Variants in KANSL1 observed in about 807,000 individuals in gnomAD.
KANSL1 encodes the protein MLL1/MLL complex subunit KANSL1.
KANSL1 carries 22 observed loss-of-function variants against 103.6 expected under a neutral mutation model. The ratio of observed to expected loss-of-function variants is 0.21; its 90% CI spans 0.15 to 0.30. The LOEUF (loss-of-function observed/expected upper bound fraction) is 0.30, where lower values mean the gene tolerates loss of function less well. KANSL1 is among the 10% of genes least tolerant of loss of function. KANSL1 has a pLI of 1.00. For synonymous variants in KANSL1, 600 were observed against 527.6 expected, an observed-to-expected ratio of 1.14 and a Z score of -1.88; for missense variants, 1,337 against 1,399.8, an observed-to-expected ratio of 0.96 and a Z score of 0.72.
intron 2 of KANSL1, among the ~76,000 whole-genome samples, chr17:46,168,434 G>A (rs970993949): frequency 7.3e-5 from 11 of 151,622 alleles, no homozygotes; most frequent in African/African-American, 2.7e-4. Flanking sequence ...CGCAACCTCC[G>A]CCTCTCACGT....
At chr17:46,104,676 TAACTG>T (rs1335779189) in intron 2 of KANSL1, among the ~76,000 whole-genome samples, 14 of 152,230 alleles carry the variant, frequency 9.2e-5, no homozygotes, top group South Asian at 2.1e-4. Context: ...TAAAAACACT[TAACTG>T]AAGTATTCTA....
chr17:46,156,849 A>C (rs1232864332), intron 2 of KANSL1: 3 of 150,346 alleles, frequency 2.0e-5, no homozygotes, highest in Non-Finnish European at 4.4e-5. Context: ...CACTGAGCTG[A>C]GATCACACCA....
intron 2 of KANSL1, among the ~76,000 whole-genome samples, chr17:46,139,541 G>T (rs2044316086): frequency 6.6e-6 from 1 of 152,170 alleles, no homozygotes. Flanking sequence ...GTACTACTCA[G>T]CACGAAGAAG....
intron 2 of KANSL1, among the ~76,000 whole-genome samples, chr17:46,162,002 C>T (rs1214432849): frequency 5.9e-5 from 9 of 152,376 alleles, no homozygotes; most frequent in Admixed American, 2.6e-4. Flanking sequence ...TTTCTTCACA[C>T]TTATAGAAAT....
Position 46,170,842 on chromosome 17 carries a change from G to C in KANSL1, c.1289+13C>G. On this transcript the variant is annotated intron_variant, in intron 2 of 14. Coordinates refer to ENST00000432791, the MANE Select transcript of KANSL1 (RefSeq NM_015443.4). ...ATTTCTCAAGAATGCTATCATGCAT[G>C]AGGTCTACTCACAGGGGTACATGAC... is the stretch of plus-strand genomic sequence containing the variant. 6.4e-7 allele frequency: 1 copy of C among 1,574,608 alleles called. No individual in the cohort carries two copies.
At chr17:46,193,935 C>G (rs2047506647), upstream of KANSL1, 1 of 158,112 alleles carries the variant, frequency 6.3e-6, no homozygotes, top group African/African-American at 2.4e-5. Flanking sequence ...GCAGAAAGCT[C>G]CCTGACCAGT....
At chr17:46,070,710 G>A (rs553433888) in intron 4 of KANSL1, among the ~76,000 whole-genome samples, 5 of 151,690 alleles carry the variant, frequency 3.3e-5, no homozygotes, top group Admixed American at 1.3e-4. Flanking sequence ...TTTTTATTTC[G>A]GCATTAAATT....
intron 2 of KANSL1, among the ~76,000 whole-genome samples, chr17:46,165,623 G>T (rs2147669383): frequency 6.6e-6 from 1 of 151,986 alleles, no homozygotes; most frequent in East Asian, 2.0e-4. Context: ...TGATTCTCGT[G>T]CTTCAACCTC....
intron 6 of KANSL1, among the ~76,000 whole-genome samples, chr17:46,057,315 T>C (rs947517165): frequency 3.3e-5 from 5 of 152,120 alleles, no homozygotes; most frequent in Non-Finnish European, 4.4e-5. Context: ...TAGAGGATAG[T>C]AGAAAACTAA....
intron 2 of KANSL1, among the ~76,000 whole-genome samples, chr17:46,105,865 TCACACA>T (rs373943708): frequency 1.8e-3 from 242 of 134,666 alleles, no homozygotes; most frequent in African/African-American, 4.5e-3. Flanking sequence ...AGCAAGACCT[TCACACA>T]CACACACACA....
At chr17:46,220,182 G>A (rs1276840213) in intron 1 of KANSL1, among the ~76,000 whole-genome samples, 1 of 152,178 alleles carries the variant, frequency 6.6e-6, no homozygotes, top group South Asian at 2.1e-4. Flanking sequence ...GACACAGAAA[G>A]AGAAGAAAAG....
chr17:46,136,529 T>C (rs2044152366), intron 2 of KANSL1, among the ~76,000 whole-genome samples: 1 of 152,246 alleles, frequency 6.6e-6, no homozygotes, highest in South Asian at 2.1e-4. Context: ...AGCACTGACT[T>C]CCTCAACGGT....
chr17:46,064,606 A>G (rs1272820653), intron 6 of KANSL1, among the ~76,000 whole-genome samples: 1 of 152,172 alleles, frequency 6.6e-6, no homozygotes, highest in African/African-American at 2.4e-5. Context: ...TCCTGTCTGT[A>G]ACAACTGACA....
At chr17:46,037,431 G>T (rs1413742884) in intron 10 of KANSL1, 2 of 152,244 alleles carry the variant, frequency 1.3e-5, no homozygotes, top group Non-Finnish European at 1.5e-5. Context: ...GATCACAGGA[G>T]CCTAGTGAGT....
intron 3 of KANSL1, among the ~76,000 whole-genome samples, chr17:46,086,287 T>C (rs937594772): frequency 2.0e-5 from 3 of 152,294 alleles, no homozygotes; most frequent in Admixed American, 2.0e-4. Context: ...GAGAGTATAA[T>C]AAAACTTGGT....
intron 6 of KANSL1, among the ~76,000 whole-genome samples, chr17:46,054,041 T>A (rs185573290): frequency 3.9e-5 from 6 of 152,166 alleles, no homozygotes; most frequent in African/African-American, 1.4e-4. Flanking sequence ...GGTGGCTCAC[T>A]TGAGCCCAGG....
chr17:46,192,300 CTCT>C (rs1188608545), intron 1 of KANSL1: 1 of 150,190 alleles, frequency 6.7e-6, no homozygotes, highest in Admixed American at 6.6e-5. Context: ...ATCCCTCTTC[CTCT>C]TTAGTTTAAA....
intron 2 of KANSL1, among the ~76,000 whole-genome samples, chr17:46,112,879 G>A (rs914797896): frequency 2.6e-5 from 4 of 152,004 alleles, no homozygotes; most frequent in Non-Finnish European, 4.4e-5. Flanking sequence ...GCGCCATCAC[G>A]CCGGGCTAAT....
intron 4 of KANSL1, among the ~76,000 whole-genome samples, chr17:46,075,181 C>T (rs2078715183): frequency 6.6e-6 from 1 of 152,146 alleles, no homozygotes; most frequent in Admixed American, 6.5e-5. Flanking sequence ...ACTAATAATA[C>T]AGAAATTCAA....
Sources: gnomAD v4.1 joint callset for allele counts (sites outside exome capture counted in the v4.1 genomes callset) on GRCh38, gnomAD v4.1.1 for gene constraint, MANE v1.5 for transcripts, NCBI Gene and HGNC (gene_info 2026-07-23, HGNC 2026-07-21) for gene names.